Variants in TMEM272 observed in about 807,000 individuals in gnomAD.
TMEM272 encodes transmembrane protein 272.
Under a neutral mutation model 3.7 loss-of-function variants are expected in TMEM272, and 8 were observed. The observed-to-expected ratio is 2.17, with a 90% CI of 1.27 to 3.91. The LOEUF (loss-of-function observed/expected upper bound fraction) is 3.91, where lower values mean the gene tolerates loss of function less well. Among genes scored for constraint, TMEM272 ranks in the 30% most tolerant of loss-of-function variants. The pLI, the probability that TMEM272 is intolerant of heterozygous loss-of-function variation, is 0.00. For missense variants in TMEM272, 166 were observed against 91.5 expected (o/e 1.81, Z -3.32); for synonymous variants, 63 against 39.8 (o/e 1.58, Z -2.20).
the TMEM272 span, among the ~76,000 whole-genome samples, chr13:51,873,646 T>C: frequency 6.6e-5 from 10 of 152,208 alleles, no homozygotes; most frequent in Admixed American, 2.6e-4. Context: ...GACTTTTGCA[T>C]GTGTCACTAC....
At chr13:51,921,042 G>A in the TMEM272 span, among the ~76,000 whole-genome samples, 1 of 152,202 alleles carries the variant, frequency 6.6e-6, no homozygotes, top group African/African-American at 2.4e-5. Context: ...ACGCCTGGTG[G>A]GAGAGGAGCT....
chr13:51,931,129 T>G, the TMEM272 span, among the ~76,000 whole-genome samples: 1 of 152,162 alleles, frequency 6.6e-6, no homozygotes, highest in Non-Finnish European at 1.5e-5. Context: ...TCCAAAGGAT[T>G]ATAAATCATT....
the TMEM272 span, among the ~76,000 whole-genome samples, chr13:51,891,199 C>A: frequency 1.1e-4 from 16 of 152,298 alleles, no homozygotes; most frequent in East Asian, 3.1e-3. Flanking sequence ...TTCCTTCATT[C>A]CCTTTCTCTT....
chr13:51,896,552 G>A, the TMEM272 span, among the ~76,000 whole-genome samples: 136 of 152,206 alleles, frequency 8.9e-4, no homozygotes, highest in Admixed American at 2.2e-3. Context: ...TCAAGTTGTC[G>A]GTGCACATGC....
chr13:51,928,526 G>A, the TMEM272 span, among the ~76,000 whole-genome samples: 52 of 152,282 alleles, frequency 3.4e-4, no homozygotes, highest in South Asian at 1.7e-3. Context: ...TGAGGGAGAC[G>A]GCATGACACA....
the TMEM272 span, chr13:51,865,731 A>T: frequency 6.2e-7 from 1 of 1,614,170 alleles, no homozygotes; most frequent in Non-Finnish European, 8.5e-7. Context: ...AGGGAGGAAG[A>T]GAAAACTTTC....
In TMEM272 at chr13:51,816,653, C is replaced by CTGTGTG. The variant is rs111925186; in HGVS notation, c.*92_*97dup. The CTGTGTG allele has an allele frequency of 1.4e-3, 803 of 571,776 alleles. No homozygotes were observed. The highest frequency in any genetic ancestry group is 3.2e-3 in the African/African-American group (171 of 52,756). The allele number at this position is 571,776 out of a possible 1,614,324, so 35.4% of individuals were successfully genotyped here. ...ATTACCTTTATGCCCTTCTCTGAACCTGTGTGTGTGTGTGTGTGTGTGTGC... is the reference window on the plus strand; with the variant it reads ...ATTACCTTTATGCCCTTCTCTGAACCTGTGTGTGTGTGTGTGTGTGTGTGTGTGTGC... On this transcript the variant is annotated 3_prime_UTR_variant, in exon 5 of 5. Coordinates refer to ENST00000629372, the MANE Select transcript of TMEM272 (RefSeq NM_001351003.2).
the TMEM272 span, among the ~76,000 whole-genome samples, chr13:51,917,387 G>C: frequency 3.9e-5 from 6 of 152,158 alleles, no homozygotes; most frequent in African/African-American, 7.2e-5. Flanking sequence ...AAGAGGGAGA[G>C]AGCAGAAGCA....
chr13:51,925,914 T>C, the TMEM272 span, among the ~76,000 whole-genome samples: 17 of 152,188 alleles, frequency 1.1e-4, no homozygotes, highest in Admixed American at 7.2e-4. Flanking sequence ...TGTGTTTATG[T>C]GTGCAGTGGT....
Position 51,816,640 on chromosome 13 carries a change from C to A in TMEM272, c.*111G>T. On this transcript the variant is annotated 3_prime_UTR_variant, in exon 5 of 5. Coordinates refer to ENST00000629372, the MANE Select transcript of TMEM272 (RefSeq NM_001351003.2). The stretch of plus-strand genomic sequence containing the variant: ...CAGGGAAGGTTTTATTACCTTTATG[C>A]CCTTCTCTGAACCTGTGTGTGTGTG... 1.7e-6 allele frequency: 1 copy of A among 600,294 alleles called. No individual in the cohort carries two copies. Among genetic ancestry groups the A allele is most frequent in the Middle Eastern group, 4.4e-4 (1 of 2,294 alleles). The allele number at this position is 600,294 out of a possible 1,614,324, so 37.2% of individuals were successfully genotyped here.
the TMEM272 span, among the ~76,000 whole-genome samples, chr13:51,858,943 G>T: frequency 6.6e-6 from 1 of 152,106 alleles, no homozygotes; most frequent in Non-Finnish European, 1.5e-5. Flanking sequence ...GGCTGTTTCG[G>T]AAACTGATGG....
At chr13:51,910,423 T>C in the TMEM272 span, 5 of 967,480 alleles carry the variant, frequency 5.2e-6, no homozygotes, top group Non-Finnish European at 8.4e-6. Context: ...AGCCGACTCC[T>C]AACCGATCTA....
chr13:51,888,294 C>T, the TMEM272 span, among the ~76,000 whole-genome samples: 1 of 152,164 alleles, frequency 6.6e-6, no homozygotes, highest in African/African-American at 2.4e-5. Flanking sequence ...GATCCGTTCA[C>T]CTCGGACTCC....
At chr13:51,858,695 G>A in the TMEM272 span, among the ~76,000 whole-genome samples, 7 of 152,186 alleles carry the variant, frequency 4.6e-5, no homozygotes, top group African/African-American at 1.7e-4. Context: ...GATTAGGCTT[G>A]TGGACACACA....
chr13:51,873,912 T>G, the TMEM272 span, among the ~76,000 whole-genome samples: 2 of 152,216 alleles, frequency 1.3e-5, no homozygotes, highest in Admixed American at 1.3e-4. Context: ...GGAACACCCT[T>G]CTTGTGTTTG....
intron 2 of TMEM272, among the ~76,000 whole-genome samples, chr13:51,833,450 G>T (rs943008977): frequency 6.6e-6 from 1 of 152,226 alleles, no homozygotes; most frequent in South Asian, 2.1e-4. Flanking sequence ...GGAGTGAAGA[G>T]ACCAGCGAAG....
At chr13:51,821,553 A>T (rs925285699) in intron 4 of TMEM272, among the ~76,000 whole-genome samples, 3 of 152,008 alleles carry the variant, frequency 2.0e-5, no homozygotes, top group Non-Finnish European at 4.4e-5. Context: ...AATTAATCCT[A>T]TGTTAGTCAA....
chr13:51,913,409 G>A, the TMEM272 span, among the ~76,000 whole-genome samples: 1 of 152,216 alleles, frequency 6.6e-6, no homozygotes, highest in East Asian at 1.9e-4. Flanking sequence ...GGGCAATGCA[G>A]CAGAATGAAC....
the TMEM272 span, among the ~76,000 whole-genome samples, chr13:51,887,791 A>G: frequency 6.6e-6 from 1 of 152,152 alleles, no homozygotes. Context: ...TTCTCCTCCC[A>G]TTCTGGAAGA....
Sources: allele counts gnomAD v4.1 joint callset (sites outside exome capture counted in the v4.1 genomes callset), GRCh38; gene constraint gnomAD v4.1.1; transcripts MANE v1.5; gene names NCBI Gene and HGNC (gene_info 2026-07-23, HGNC 2026-07-21).